MCTP2: variants seen among roughly 807,000 people sequenced by gnomAD.
MCTP2 encodes multiple C2 and transmembrane domain-containing protein 2.
In MCTP2, 132 loss-of-function variants were observed where a neutral mutation model predicts 111.6. The ratio of observed to expected loss-of-function variants is 1.18; its 90% CI spans 1.03 to 1.37. The LOEUF is 1.37. Ranked by LOEUF, MCTP2 falls within the 40% of genes most tolerant of loss-of-function variation. The pLI is 0.00. For synonymous variants in MCTP2, 395 were observed against 387.7 expected (o/e 1.02, Z -0.22); for missense variants, 1,183 against 1,067.9 (o/e 1.11, Z -1.50).
intron 20 of MCTP2, among the ~76,000 whole-genome samples, chr15:94,466,958 A>T (rs776955636): frequency 1.3e-5 from 2 of 152,200 alleles, no homozygotes; most frequent in Non-Finnish European, 2.9e-5. Flanking sequence ...ACTCTACCAG[A>T]TATCAATAAC....
intron 1 of MCTP2, among the ~76,000 whole-genome samples, chr15:94,256,066 C>T (rs8034433): frequency 0.43 from 64,579 of 151,876 alleles, 14,067 homozygotes; most frequent in Middle Eastern, 0.56. Context: ...AATGCAAAAA[C>T]CTGAACTACA....
intron 5 of MCTP2, among the ~76,000 whole-genome samples, chr15:94,339,859 T>C (rs1225952164): frequency 1.3e-5 from 2 of 152,220 alleles, no homozygotes; most frequent in Admixed American, 1.3e-4. Flanking sequence ...TTCTATTTAA[T>C]TGGCAGATCT....
intron 20 of MCTP2, among the ~76,000 whole-genome samples, chr15:94,462,106 A>C (rs1016419258): frequency 6.6e-6 from 1 of 152,214 alleles, no homozygotes; most frequent in Non-Finnish European, 1.5e-5. Context: ...CATTTGTCCA[A>C]GCCTTGGAAA....
Position 94,458,232 on chromosome 15 carries a change from A to G in MCTP2, c.2346A>G (p.Gly782=). The change falls in exon 20 of 23, where the codon GGA becomes GGG. Residue 782 remains glycine, a synonymous_variant. Transcript: ENST00000357742. ...QNVLEEIASF[G]ERIKNTFNWT... is the part of the protein sequence containing the mutation. Reference sequence around the variant, plus strand: ...TCTTGGAGGAAATAGCTTCTTTTGGAGAAAGGATTAAGAAGTAAGTTCTAA... The same window carrying G: ...TCTTGGAGGAAATAGCTTCTTTTGGGGAAAGGATTAAGAAGTAAGTTCTAA... 1 of 1,599,628 alleles carries G rather than the reference A, an allele frequency of 6.3e-7. No individual in the cohort carries two copies. The highest frequency in any genetic ancestry group is 8.6e-7 in the Non-Finnish European group (1 of 1,166,884).
Position 94,254,777 on chromosome 15 carries a change from A to G in MCTP2, c.-66+23113A>G, listed in dbSNP as rs181408819. 1.5e-4 allele frequency among the ~76,000 whole-genome samples: 23 copies of G among 152,346 alleles called. No individual in the cohort carries two copies. In the East Asian group the frequency reaches 4.2e-3, roughly 28 times the overall value. ...GAATTTAAATTTTATACTTGTCCTT[A>G]TGAGAGTAAGCATTAATTTGTCATT... On this transcript the variant is annotated intron_variant, in intron 1 of 22. Coordinates refer to ENST00000357742, the MANE Select transcript of MCTP2 (RefSeq NM_001385001.1).
At chr15:94,317,708 G>A (rs762060994) in intron 4 of MCTP2, among the ~76,000 whole-genome samples, 8 of 152,174 alleles carry the variant, frequency 5.3e-5, no homozygotes, top group Non-Finnish European at 8.8e-5. Context: ...TACTGCTCAT[G>A]TCTCTGGATA....
Position 94,480,565 on chromosome 15 carries a change from C to G in MCTP2, c.*1531C>G, listed in dbSNP as rs1379543805. 6.6e-6 allele frequency: 1 copy of G among 152,164 alleles called. No individual in the cohort carries two copies. The highest frequency in any genetic ancestry group is 6.5e-5 in the Admixed American group (1 of 15,274). The allele number at this position is 152,164 out of a possible 1,614,324, so 9.4% of individuals were successfully genotyped here. On this transcript the variant is annotated 3_prime_UTR_variant, in exon 23 of 23. Coordinates refer to ENST00000357742, the MANE Select transcript of MCTP2 (RefSeq NM_001385001.1). The stretch of plus-strand genomic sequence containing the variant: ...CCAGTAAATCTCGTAGTTGTACATA[C>G]AATAGATACCCAAGAACCTCTTTTG...
At chr15:94,246,290 A>T (rs548549293) in intron 1 of MCTP2, among the ~76,000 whole-genome samples, 2 of 152,310 alleles carry the variant, frequency 1.3e-5, no homozygotes, top group Non-Finnish European at 2.9e-5. Context: ...CAGCTCTACT[A>T]TGTAGTAATT....
At chr15:94,428,190 C>G (rs1046090135) in intron 17 of MCTP2, among the ~76,000 whole-genome samples, 1 of 152,134 alleles carries the variant, frequency 6.6e-6, no homozygotes, top group African/African-American at 2.4e-5. Flanking sequence ...TCATGAGGGT[C>G]TTCTGGTGAG....
intron 4 of MCTP2, among the ~76,000 whole-genome samples, chr15:94,334,108 G>A (rs74028567): frequency 0.03 from 4,638 of 152,210 alleles, 208 homozygotes; most frequent in African/African-American, 0.11. Flanking sequence ...TATAACTTCA[G>A]TAGTGATACT....
chr15:94,274,214 C>G (rs933948089), intron 1 of MCTP2, among the ~76,000 whole-genome samples: 1 of 151,884 alleles, frequency 6.6e-6, no homozygotes, highest in Non-Finnish European at 1.5e-5. Context: ...ATATACTGAA[C>G]TGAATGGTAA....
At chr15:94,335,699 CATT>C (rs2077328786) in intron 4 of MCTP2, among the ~76,000 whole-genome samples, 1 of 152,046 alleles carries the variant, frequency 6.6e-6, no homozygotes, top group African/African-American at 2.4e-5. Context: ...TATTAATATC[CATT>C]ATTTAGTAAC....
intron 12 of MCTP2, among the ~76,000 whole-genome samples, chr15:94,373,290 C>T (rs747425418): frequency 1.3e-5 from 2 of 152,114 alleles, no homozygotes; most frequent in Non-Finnish European, 2.9e-5. Context: ...ATTGAATACT[C>T]ATTACTATGT....
At chr15:94,371,440 T>C (rs1402609597) in intron 12 of MCTP2, among the ~76,000 whole-genome samples, 1 of 152,254 alleles carries the variant, frequency 6.6e-6, no homozygotes, top group Non-Finnish European at 1.5e-5. Flanking sequence ...TAGAATTGCC[T>C]ATGAATTTTC....
intron 14 of MCTP2, among the ~76,000 whole-genome samples, chr15:94,392,995 G>A (rs551693806): frequency 7.9e-5 from 12 of 152,094 alleles, no homozygotes; most frequent in East Asian, 1.9e-4. Context: ...TTTTATGTCC[G>A]TTTTGAGCAA....
At chr15:94,367,089 G>T (rs149977546) in intron 10 of MCTP2, among the ~76,000 whole-genome samples, 9 of 152,268 alleles carry the variant, frequency 5.9e-5, no homozygotes, top group African/African-American at 2.2e-4. Context: ...ACACCTTAAC[G>T]TGTTTTTTAA....
At chr15:94,444,095 G>T (rs897775625) in intron 19 of MCTP2, among the ~76,000 whole-genome samples, 2 of 151,742 alleles carry the variant, frequency 1.3e-5, no homozygotes, top group African/African-American at 4.8e-5. Context: ...CAGCTATCAG[G>T]TGGGGGTTCC....
In MCTP2 at chr15:94,367,813, A is replaced by G. The variant is rs1283604840; in HGVS notation, c.1488+22A>G. On this transcript the variant is annotated intron_variant, in intron 11 of 22. Transcript: ENST00000357742. ...ATATGTGAGTGTTTTTCCTTATTGT[A>G]CACTCCCCCTCCTCCCACCTTCTCT... 3.8e-6 allele frequency: 6 copies of G among 1,578,512 alleles called. No homozygotes were observed. In the African/African-American group the frequency reaches 6.9e-5, roughly 18 times the overall value.
intron 1 of MCTP2, among the ~76,000 whole-genome samples, chr15:94,257,531 A>G (rs943337829): frequency 7.9e-6 from 1 of 127,324 alleles, no homozygotes; most frequent in Admixed American, 8.0e-5. Flanking sequence ...TTTCAGAACT[A>G]TCACATTTTA....
Sources: gnomAD v4.1 joint callset for allele counts (sites outside exome capture counted in the v4.1 genomes callset) on GRCh38, gnomAD v4.1.1 for gene constraint, MANE v1.5 for transcripts, NCBI Gene and HGNC (gene_info 2026-07-23, HGNC 2026-07-21) for gene names.